SVEP1: variants seen among roughly 807,000 people sequenced by gnomAD.
SVEP1 encodes sushi, von Willebrand factor type A, EGF and pentraxin domain-containing protein 1.
SVEP1 carries 164 observed loss-of-function variants against 367.3 expected under a neutral mutation model. The observed-to-expected ratio is 0.45, with a 90% CI of 0.39 to 0.51. The LOEUF (loss-of-function observed/expected upper bound fraction) is 0.51. Among genes scored for constraint, SVEP1 ranks in the 20% least tolerant of loss-of-function variants. The pLI is 0.00. For synonymous variants in SVEP1, 1,666 were observed against 1,611.6 expected, an observed-to-expected ratio of 1.03 and a Z score of -0.81; for missense variants, 4,117 against 4,425.3, an observed-to-expected ratio of 0.93 and a Z score of 1.98.
intron 1 of SVEP1, among the ~76,000 whole-genome samples, chr9:110,565,700 C>T (rs1830483642): frequency 1.3e-5 from 2 of 152,038 alleles, no homozygotes; most frequent in Admixed American, 1.3e-4. Flanking sequence ...AATCTCCAAA[C>T]ATCCCCTTCT....
chr9:110,570,778 AAT>A (rs1274579953), intron 1 of SVEP1, among the ~76,000 whole-genome samples: 1 of 151,708 alleles, frequency 6.6e-6, no homozygotes, highest in East Asian at 2.0e-4. Context: ...ACAATATTTA[AAT>A]GAGTTGCTTA....
At chr9:110,547,122 G>A (rs1232845754) in intron 2 of SVEP1, among the ~76,000 whole-genome samples, 1 of 152,172 alleles carries the variant, frequency 6.6e-6, no homozygotes, top group Non-Finnish European at 1.5e-5. Flanking sequence ...GAAGGAGATT[G>A]GTGGTAGACT....
chr9:110,430,597 A>T, intron 32 of SVEP1, 147 bp from the exon 33 acceptor site: 3 of 738,488 alleles, frequency 4.1e-6, no homozygotes, highest in Non-Finnish European at 6.6e-6. Context: ...GGGCCCAGAG[A>T]CACATTGGAC....
At chr9:110,497,717 G>A (rs1482070426) in intron 7 of SVEP1, among the ~76,000 whole-genome samples, 4 of 152,176 alleles carry the variant, frequency 2.6e-5, no homozygotes, top group Admixed American at 6.5e-5. Context: ...ACGTGCTAAC[G>A]TTACACAGAT....
chr9:110,521,601 A>G (rs1829876799), intron 3 of SVEP1, among the ~76,000 whole-genome samples: 1 of 152,226 alleles, frequency 6.6e-6, no homozygotes, highest in East Asian at 1.9e-4. Context: ...AAATACACAC[A>G]TATATTCACA....
In SVEP1 at chr9:110,394,263, C is replaced by T. The variant is rs542194049; in HGVS notation, c.9823-4676G>A. Reference sequence around the variant, plus strand: ...GGCAAACAGGGTCTGGATTGGACCTCTAGCCAACTCCGACCTGCAGCTGAG... The same window carrying T: ...GGCAAACAGGGTCTGGATTGGACCTTTAGCCAACTCCGACCTGCAGCTGAG... On this transcript the variant is annotated intron_variant, in intron 40 of 47. Coordinates refer to ENST00000374469, the MANE Select transcript of SVEP1 (RefSeq NM_153366.4). 5.3e-5 allele frequency among the ~76,000 whole-genome samples: 8 copies of T among 152,292 alleles called. No individual in the cohort carries two copies. The South Asian group carries it at 1.5e-3, about 28-fold the overall frequency.
intron 41 of SVEP1, among the ~76,000 whole-genome samples, chr9:110,388,297 T>C (rs1827556814): frequency 6.6e-6 from 1 of 152,140 alleles, no homozygotes; most frequent in Admixed American, 6.6e-5. Flanking sequence ...TTGTGAGAAA[T>C]GTTATTAACA....
intron 40 of SVEP1, among the ~76,000 whole-genome samples, chr9:110,394,477 C>T (rs991266465): frequency 6.6e-6 from 1 of 152,148 alleles, no homozygotes; most frequent in Non-Finnish European, 1.5e-5. Flanking sequence ...AGCTCCTCAC[C>T]AGCAACAGAA....
At chr9:110,570,464 T>TTGTGTGTGTGTG (rs3220321) in intron 1 of SVEP1, among the ~76,000 whole-genome samples, 2 of 88,758 alleles carry the variant, frequency 2.3e-5, no homozygotes, top group African/African-American at 1.1e-4. Context: ...AAAGTTTCTG[T>TTGTGTGTGTGTG]TGCGTGTGTG....
At chr9:110,504,908 A>G (rs929610561) in intron 5 of SVEP1, among the ~76,000 whole-genome samples, 5 of 152,142 alleles carry the variant, frequency 3.3e-5, no homozygotes, top group African/African-American at 2.4e-5. Flanking sequence ...GGGGTAGAGC[A>G]TGTTATCTAG....
intron 27 of SVEP1, among the ~76,000 whole-genome samples, chr9:110,438,476 A>T (rs1486529463): frequency 6.6e-6 from 1 of 152,122 alleles, no homozygotes; most frequent in Non-Finnish European, 1.5e-5. Context: ...AAGTACTGGG[A>T]TTACAGATGT....
intron 33 of SVEP1, 64 bp downstream of exon 33, chr9:110,430,210 T>G: frequency 6.7e-7 from 1 of 1,498,704 alleles, no homozygotes; most frequent in Non-Finnish European, 9.0e-7. Context: ...ACACTTCATA[T>G]GTCTACGCCT....
intron 40 of SVEP1, among the ~76,000 whole-genome samples, chr9:110,390,485 TGTATACAATTA>T (rs1827638855): frequency 1.3e-5 from 2 of 150,756 alleles, no homozygotes; most frequent in African/African-American, 4.9e-5. Context: ...TATCCCAAAA[TGTATACAATTA>T]TGATTTGACA....
At chr9:110,471,231 T>C (rs1161421602) in intron 16 of SVEP1, 133 bp downstream of exon 16, 3 of 719,168 alleles carry the variant, frequency 4.2e-6, no homozygotes, top group Non-Finnish European at 6.7e-6. Flanking sequence ...GACAAAATAG[T>C]AATAATAACA....
At position 110,411,359 on chromosome 9, in the gene SVEP1, G is replaced by C; in HGVS notation, c.6352C>G (p.Leu2118Val). The change falls in exon 37 of 48, where the codon CTG (leucine) becomes GTG (valine). Residue 2118 changes from leucine to valine, a missense_variant. Leu to Val is a conservative substitution (Grantham distance 32). Around this residue, in one of 4 missense-constraint regions of SVEP1, gnomAD observed 2,174 missense variants for 2,494.3 expected, o/e 0.87. Coordinates refer to ENST00000374469, the MANE Select transcript of SVEP1 (RefSeq NM_153366.4). Reference sequence around the variant, plus strand: ...CATTCAATCTTTGCTGAGGTGTTCAGTACAAAGCCTTCCATGCATTTAAAG... The same window carrying C: ...CATTCAATCTTTGCTGAGGTGTTCACTACAAAGCCTTCCATGCATTTAAAG... ...VSFKCMEGFVLNTSAKIECMR... is the reference protein window; with the variant it reads ...VSFKCMEGFVVNTSAKIECMR... The C allele has an allele frequency of 1.2e-6, 2 of 1,614,022 alleles. No individual in the cohort carries two copies. Among genetic ancestry groups the C allele is most frequent in the Non-Finnish European group, 1.7e-6 (2 of 1,179,900 alleles).
At chr9:110,387,694 AT>A (rs1827547336) in intron 41 of SVEP1, among the ~76,000 whole-genome samples, 1 of 152,206 alleles carries the variant, frequency 6.6e-6, no homozygotes, top group African/African-American at 2.4e-5. Flanking sequence ...GTCTTTATGT[AT>A]TATTAATAAT....
intron 18 of SVEP1, among the ~76,000 whole-genome samples, chr9:110,463,462 AT>A (rs1828889502): frequency 6.6e-6 from 1 of 152,190 alleles, no homozygotes; most frequent in Non-Finnish European, 1.5e-5. Context: ...TGATAGAGAA[AT>A]GCAAAAGCAA....
Position 110,406,389 on chromosome 9 carries a change from G to A in SVEP1, c.9211C>T (p.Pro3071Ser). 3 of 1,614,030 alleles carry A rather than the reference G, an allele frequency of 1.9e-6. No homozygotes were observed. Among genetic ancestry groups the A allele is most frequent in the Non-Finnish European group, 2.5e-6 (3 of 1,179,898 alleles). ...CTGGTCTCACTGATGAACGCATTTG[G>A]TATCATTGGAAGAGAACCACAAGAA... ...HTSCGSLPMI[P>S]NAFISETSSW... is the part of the protein sequence containing the mutation. The change falls in exon 38 of 48, where the codon CCA (proline) becomes TCA (serine). Residue 3071 changes from proline (P) to serine (S), a missense_variant. Physicochemically the swap from Pro to Ser is moderately conservative, Grantham distance 74. Transcript: ENST00000374469.
In SVEP1 at chr9:110,430,362, C is replaced by A. The variant is rs754760807; in HGVS notation, c.5442G>T (p.Ser1814=). 2 of 1,613,316 alleles carry A rather than the reference C, an allele frequency of 1.2e-6. No homozygotes were observed. Among genetic ancestry groups the A allele is most frequent in the African/African-American group, 2.7e-5 (2 of 74,872 alleles). The change falls in exon 33 of 48, where the codon TCG becomes TCT. Residue 1814 remains serine, a synonymous_variant. Coordinates refer to ENST00000374469, the MANE Select transcript of SVEP1 (RefSeq NM_153366.4). ...CCATCAACTGGTATCCTTCCTGACA[C>A]GAAAATGTGACTTCGGCACCTACTG... ...IYTVGAEVTF[S]CQEGYQLMGV...
Sources: gnomAD v4.1 joint callset for allele counts (sites outside exome capture counted in the v4.1 genomes callset) on GRCh38, gnomAD v4.1.1 for gene constraint, gnomAD v4.1.1 regional missense constraint, MANE v1.5 for transcripts, NCBI Gene and HGNC (gene_info 2026-07-23, HGNC 2026-07-21) for gene names.